The following TENM3 variants were observed in gnomAD, a reference collection of about 807,000 sequenced individuals.
TENM3 encodes teneurin transmembrane protein 3, also known as teneurin-3.
TENM3 carries 63 observed loss-of-function variants against 255.1 expected under a neutral mutation model. That is an observed-to-expected ratio of 0.25 (90% confidence interval 0.20 to 0.30). The LOEUF (loss-of-function observed/expected upper bound fraction) is 0.30, where lower values mean the gene tolerates loss of function less well. Among genes scored for constraint, TENM3 ranks in the 10% least tolerant of loss-of-function variants. The pLI is 1.00. For missense variants in TENM3, 2,929 were observed against 3,461.1 expected (o/e 0.85, Z 3.86); for synonymous variants, 1,306 against 1,322.3 (o/e 0.99, Z 0.27).
intron 3 of TENM3, among the ~76,000 whole-genome samples, chr4:182,535,359 A>C (rs1740197596): frequency 6.6e-6 from 1 of 152,170 alleles, no homozygotes; most frequent in African/African-American, 2.4e-5. Context: ...TGATTATTGT[A>C]TTCTTCTCAT....
At chr4:182,494,507 A>G (rs1735578129) in intron 3 of TENM3, among the ~76,000 whole-genome samples, 1 of 152,168 alleles carries the variant, frequency 6.6e-6, no homozygotes, top group South Asian at 2.1e-4. Flanking sequence ...GCAAGTATAT[A>G]TAGCGTTCAG....
the TENM3 span, among the ~76,000 whole-genome samples, chr4:181,750,480 G>T: frequency 6.6e-6 from 1 of 152,250 alleles, no homozygotes; most frequent in South Asian, 2.1e-4. Context: ...ACTAGGCAGA[G>T]TTAACTTTTC....
At chr4:182,124,648 G>A in the TENM3 span, among the ~76,000 whole-genome samples, 4 of 152,112 alleles carry the variant, frequency 2.6e-5, no homozygotes, top group Non-Finnish European at 2.9e-5. Flanking sequence ...AGGAGAGAAC[G>A]GTGTCCAGAA....
chr4:182,499,427 C>T (rs1736111235), intron 3 of TENM3, among the ~76,000 whole-genome samples: 1 of 152,156 alleles, frequency 6.6e-6, no homozygotes, highest in South Asian at 2.1e-4. Context: ...AGGAGACTGT[C>T]TGGTATTTGA....
chr4:182,613,429 T>C (rs1749193040), intron 4 of TENM3, among the ~76,000 whole-genome samples: 1 of 152,156 alleles, frequency 6.6e-6, no homozygotes, highest in Non-Finnish European at 1.5e-5. Flanking sequence ...AAACAATACT[T>C]ATAATGGGAT....
the TENM3 span, among the ~76,000 whole-genome samples, chr4:181,632,320 A>T: frequency 6.6e-6 from 1 of 152,118 alleles, no homozygotes; most frequent in Non-Finnish European, 1.5e-5. Flanking sequence ...CACCTCCATG[A>T]TCCAATCACC....
chr4:182,631,642 G>A (rs1415074671), intron 5 of TENM3: 4 of 152,172 alleles, frequency 2.6e-5, no homozygotes, highest in Non-Finnish European at 4.4e-5. Flanking sequence ...ATAAACCCCA[G>A]TATCAATGAG....
At chr4:182,061,416 C>CT in the TENM3 span, among the ~76,000 whole-genome samples, 13 of 152,070 alleles carry the variant, frequency 8.5e-5, no homozygotes, top group African/African-American at 2.4e-4. Context: ...ATCTAAGTTA[C>CT]TTTTTTTTCT....
the TENM3 span, among the ~76,000 whole-genome samples, chr4:181,708,344 A>G: frequency 1.3e-5 from 2 of 152,216 alleles, no homozygotes; most frequent in Admixed American, 6.5e-5. Context: ...TGGTTTGACA[A>G]TATATAGCAT....
chr4:181,851,221 C>CTT, the TENM3 span, among the ~76,000 whole-genome samples: 1 of 152,182 alleles, frequency 6.6e-6, no homozygotes, highest in African/African-American at 2.4e-5. Flanking sequence ...GACTTTCTAA[C>CTT]TTTCTTTGGG....
the TENM3 span, among the ~76,000 whole-genome samples, chr4:181,454,848 C>G: frequency 1.3e-5 from 2 of 151,784 alleles, no homozygotes; most frequent in Non-Finnish European, 2.9e-5. Flanking sequence ...GTTCTACCTA[C>G]TTTTGTATGG....
At chr4:182,098,486 T>G in the TENM3 span, among the ~76,000 whole-genome samples, 1 of 152,172 alleles carries the variant, frequency 6.6e-6, no homozygotes, top group African/African-American at 2.4e-5. Flanking sequence ...ATATACACAA[T>G]GGAGTACTAT....
At chr4:181,517,151 G>GAA in the TENM3 span, among the ~76,000 whole-genome samples, 166 of 146,890 alleles carry the variant, frequency 1.1e-3, no homozygotes, top group South Asian at 4.7e-3. Context: ...GGAAATAACT[G>GAA]AAAAAAAAAA....
chr4:181,594,770 G>A, the TENM3 span, among the ~76,000 whole-genome samples: 34 of 152,214 alleles, frequency 2.2e-4, no homozygotes, highest in East Asian at 9.7e-4. Context: ...TAACCATGAG[G>A]CATCCAAAAT....
At chr4:182,536,895 T>C (rs1022750045) in intron 3 of TENM3, among the ~76,000 whole-genome samples, 6 of 152,220 alleles carry the variant, frequency 3.9e-5, no homozygotes, top group Admixed American at 2.0e-4. Context: ...TATTAAATAG[T>C]TTTTTACTCT....
intron 3 of TENM3, among the ~76,000 whole-genome samples, chr4:182,441,997 AG>A (rs1384596392): frequency 1.3e-5 from 2 of 152,168 alleles, no homozygotes; most frequent in Admixed American, 6.6e-5. Context: ...GTATTTACGG[AG>A]CTGAATGGGA....
At chr4:181,995,751 C>G in the TENM3 span, among the ~76,000 whole-genome samples, 1 of 152,262 alleles carries the variant, frequency 6.6e-6, no homozygotes, top group Middle Eastern at 3.4e-3. Context: ...TCCTATGAGA[C>G]AGATACCATA....
chr4:181,510,662 G>C, the TENM3 span, among the ~76,000 whole-genome samples: 2 of 152,202 alleles, frequency 1.3e-5, no homozygotes, highest in Admixed American at 1.3e-4. Context: ...TCTAGGGAAT[G>C]GTGTCAAGGC....
intron 1 of TENM3, among the ~76,000 whole-genome samples, chr4:182,176,539 T>C (rs1222701043): frequency 6.6e-6 from 1 of 152,228 alleles, no homozygotes; most frequent in Non-Finnish European, 1.5e-5. Context: ...AAATGAATAT[T>C]CTTTCAGAAT....
Sources: allele counts gnomAD v4.1 joint callset (sites outside exome capture counted in the v4.1 genomes callset), GRCh38; gene constraint gnomAD v4.1.1; transcripts MANE v1.5; gene names NCBI Gene and HGNC (gene_info 2026-07-23, HGNC 2026-07-21).